The following FRMD3 variants were observed in gnomAD, a reference collection of about 807,000 sequenced individuals.
The protein encoded by FRMD3 is FERM domain containing 3, also known as FERM domain-containing protein 3.
Under a neutral mutation model 70.2 loss-of-function variants are expected in FRMD3, and 33 were observed. That is an observed-to-expected ratio of 0.47 (90% confidence interval 0.36 to 0.63). The LOEUF is 0.63. Among genes scored for constraint, FRMD3 ranks in the 20% least tolerant of loss-of-function variants. FRMD3 has a pLI of 0.00. For missense variants in FRMD3, 632 were observed against 711.4 expected (o/e 0.89, Z 1.27); for synonymous variants, 279 against 255.9 (o/e 1.09, Z -0.86).
intron 13 of FRMD3, among the ~76,000 whole-genome samples, chr9:83,259,449 C>T (rs1832886276): frequency 6.6e-6 from 1 of 152,110 alleles, no homozygotes; most frequent in Non-Finnish European, 1.5e-5. Context: ...TGGGTGGTTC[C>T]CTTGATGCCC....
chr9:83,328,520 G>T (rs1836112884), intron 6 of FRMD3, among the ~76,000 whole-genome samples: 1 of 152,246 alleles, frequency 6.6e-6, no homozygotes, highest in Non-Finnish European at 1.5e-5. Context: ...TTTGCTGTTG[G>T]CTAGTGACCT....
Position 83,412,670 on chromosome 9 carries a change from G to A in FRMD3, c.148-22962C>T, listed in dbSNP as rs564769631. 2.6e-5 allele frequency among the ~76,000 whole-genome samples: 4 copies of A among 152,300 alleles called. No homozygotes were observed. The East Asian group carries it at 5.8e-4, about 22-fold the overall frequency. On this transcript the variant is annotated intron_variant, in intron 1 of 13. Transcript: ENST00000304195. ...GCCTTTGTGAGCAGCTGAAATTGTT[G>A]ACTAAAGGATGCTTTAAAAATTCTG...
intron 1 of FRMD3, among the ~76,000 whole-genome samples, chr9:83,468,020 G>C (rs1828175430): frequency 1.3e-5 from 2 of 151,962 alleles, no homozygotes; most frequent in Admixed American, 6.6e-5. Flanking sequence ...AAAAATCAGT[G>C]GGAATAAAGA....
chr9:83,519,243 T>A (rs185513826), intron 1 of FRMD3, among the ~76,000 whole-genome samples: 16 of 152,112 alleles, frequency 1.1e-4, no homozygotes, highest in Admixed American at 5.9e-4. Context: ...AATCTATCCA[T>A]CTGACAAAGG....
In FRMD3 at chr9:83,404,828, C is replaced by T. The variant is rs550266790; in HGVS notation, c.148-15120G>A. Among the ~76,000 whole-genome samples the T allele has an allele frequency of 7.9e-5, 12 of 152,144 alleles. No homozygotes were observed. In the South Asian group the frequency reaches 1.2e-3, roughly 16 times the overall value. On this transcript the variant is annotated intron_variant, in intron 1 of 13. Transcript: ENST00000304195. ...TTTTTGCTTTGTGCCTTTTTATTTG[C>T]GTTTTCTAGCTTTCCTACAAACAAC...
At chr9:83,521,764 T>A (rs1290214900) in intron 1 of FRMD3, among the ~76,000 whole-genome samples, 1 of 152,260 alleles carries the variant, frequency 6.6e-6, no homozygotes, top group Non-Finnish European at 1.5e-5. Context: ...AAGGAACTCT[T>A]TCTTGATTTA....
At chr9:83,541,849 A>T (rs1314841660), upstream of FRMD3, among the ~76,000 whole-genome samples, 2 of 152,242 alleles carry the variant, frequency 1.3e-5, no homozygotes, top group East Asian at 3.8e-4. Flanking sequence ...TTTCTACACC[A>T]GGTGAACAAA....
chr9:83,310,671 T>C (rs1283702386), intron 8 of FRMD3, 123 bp from the exon 9 acceptor site: 3 of 697,274 alleles, frequency 4.3e-6, no homozygotes, highest in African/African-American at 3.6e-5. Flanking sequence ...GGTATTATCA[T>C]TGGTGAAGGT....
At chr9:83,266,036 G>C (rs890384991) in intron 13 of FRMD3, among the ~76,000 whole-genome samples, 2 of 151,848 alleles carry the variant, frequency 1.3e-5, no homozygotes, top group Admixed American at 6.6e-5. Context: ...TTTATAAAAA[G>C]GATGTATATT....
chr9:83,350,279 C>A (rs1053315189), intron 3 of FRMD3, among the ~76,000 whole-genome samples: 1 of 152,106 alleles, frequency 6.6e-6, no homozygotes, highest in Non-Finnish European at 1.5e-5. Flanking sequence ...TCCTACTTTG[C>A]AGATTTTTAG....
chr9:83,391,301 C>A (rs547384403), intron 1 of FRMD3, among the ~76,000 whole-genome samples: 1 of 152,128 alleles, frequency 6.6e-6, no homozygotes, highest in Non-Finnish European at 1.5e-5. Context: ...AAAGCTATAC[C>A]TAACAGCTGA....
chr9:83,336,551 G>A (rs550659874), intron 5 of FRMD3, among the ~76,000 whole-genome samples: 8 of 150,026 alleles, frequency 5.3e-5, no homozygotes, highest in Admixed American at 3.3e-4. Flanking sequence ...GGAACCCAGC[G>A]GGATTGCACT....
chr9:83,428,415 A>C (rs957103652), intron 1 of FRMD3, among the ~76,000 whole-genome samples: 6 of 152,092 alleles, frequency 3.9e-5, no homozygotes, highest in African/African-American at 1.4e-4. Flanking sequence ...CATACTTTGT[A>C]ATTGAATAAA....
chr9:83,546,684 A>G, the FRMD3 span, among the ~76,000 whole-genome samples: 2 of 152,014 alleles, frequency 1.3e-5, no homozygotes, highest in Non-Finnish European at 2.9e-5. Context: ...ATGTAAATAA[A>G]ATAAATGTTC....
intron 2 of FRMD3, among the ~76,000 whole-genome samples, chr9:83,388,942 C>CTT (rs554000690): frequency 0.02 from 2,284 of 117,108 alleles, 145 homozygotes; most frequent in African/African-American, 0.073. Context: ...CTACCAATAG[C>CTT]TTTTTTTTTT....
At chr9:83,572,304 G>A in the FRMD3 span, among the ~76,000 whole-genome samples, 2 of 152,134 alleles carry the variant, frequency 1.3e-5, no homozygotes, top group African/African-American at 2.4e-5. Context: ...AATTGCTGGA[G>A]GAAAATCCTT....
intron 1 of FRMD3, among the ~76,000 whole-genome samples, chr9:83,464,779 G>A (rs1486327023): frequency 6.6e-6 from 1 of 152,142 alleles, no homozygotes; most frequent in Non-Finnish European, 1.5e-5. Context: ...AGCACTTTGG[G>A]ACGCCAAGGT....
Position 83,507,624 on chromosome 9 carries a change from C to T in FRMD3, c.147+30461G>A, listed in dbSNP as rs1233274049. 5.0e-5 allele frequency among the ~76,000 whole-genome samples: 7 copies of T among 139,592 alleles called. No homozygotes were observed. In the East Asian group the frequency reaches 8.6e-4, roughly 17 times the overall value. 91.6% of individuals were successfully genotyped at this position (139,592 alleles called of 152,430 possible). On this transcript the variant is annotated intron_variant, in intron 1 of 13. Transcript: ENST00000304195. ...GGCAGAGCTTGCAGTGAGCCATGAT[C>T]GCGCCACTGCACTCCAGCCTGGGCG... is the stretch of plus-strand genomic sequence containing the variant.
chr9:83,546,060 C>CAAA, the FRMD3 span, among the ~76,000 whole-genome samples: 2 of 95,826 alleles, frequency 2.1e-5, no homozygotes, highest in Non-Finnish European at 4.5e-5. Context: ...TTTCAGTCTT[C>CAAA]AAAAAAAAAA....
Sources: allele counts gnomAD v4.1 joint callset (sites outside exome capture counted in the v4.1 genomes callset), GRCh38; gene constraint gnomAD v4.1.1; transcripts MANE v1.5; gene names NCBI Gene and HGNC (gene_info 2026-07-23, HGNC 2026-07-21).